LRBA: variants seen among roughly 807,000 people sequenced by gnomAD.
LRBA encodes the protein LPS responsive beige-like anchor protein.
LRBA carries 176 observed loss-of-function variants against 330.0 expected under a neutral mutation model. That is an observed-to-expected ratio of 0.53 (90% CI 0.47 to 0.60). LRBA has a LOEUF of 0.60. LRBA is among the 20% of genes least tolerant of loss of function. LRBA has a pLI of 0.00. For synonymous variants in LRBA, 1,230 were observed against 1,193.0 expected (o/e 1.03, Z -0.64); for missense variants, 3,259 against 3,444.8 (o/e 0.95, Z 1.35).
Position 150,350,040 on chromosome 4 carries a change from A to G in LRBA, c.7314T>C (p.Tyr2438=), listed in dbSNP as rs1736925788. Residue 2438 remains tyrosine (Y), a synonymous_variant, in exon 48 of 57, where the codon TAT becomes TAC. Coordinates refer to ENST00000651943, the MANE Select transcript of LRBA (RefSeq NM_001364905.1). ...RALNVFYYLT[Y]EGAVNLNSIT... Reference sequence around the variant, plus strand: ...TTGAATTCAGATTGACAGCTCCTTCATAGGTCAAGTAATAGAACACATTGA... The same window carrying G: ...TTGAATTCAGATTGACAGCTCCTTCGTAGGTCAAGTAATAGAACACATTGA... 2 of 1,613,870 alleles carry G rather than the reference A, an allele frequency of 1.2e-6. No homozygotes were observed. The highest frequency in any genetic ancestry group is 1.1e-5 in the South Asian group (1 of 91,080).
chr4:150,562,809 T>A (rs576891750), intron 40 of LRBA, among the ~76,000 whole-genome samples: 1 of 46,220 alleles, frequency 2.2e-5, no homozygotes, highest in East Asian at 5.8e-4. Context: ...TTTGAAATAA[T>A]TTTTTTTTTA....
chr4:150,506,155 G>A (rs1761045439), intron 40 of LRBA, among the ~76,000 whole-genome samples: 1 of 152,180 alleles, frequency 6.6e-6, no homozygotes, highest in Non-Finnish European at 1.5e-5. Context: ...GGTGCAAGGA[G>A]GAGCTGGTAT....
intron 44 of LRBA, among the ~76,000 whole-genome samples, chr4:150,466,351 T>G (rs917335884): frequency 6.6e-6 from 1 of 152,124 alleles, no homozygotes; most frequent in Non-Finnish European, 1.5e-5. Flanking sequence ...GAACTTGTAC[T>G]TCTCATGCTG....
At chr4:150,624,933 T>A (rs560342947) in intron 37 of LRBA, among the ~76,000 whole-genome samples, 53 of 152,328 alleles carry the variant, frequency 3.5e-4, no homozygotes, top group Non-Finnish European at 6.6e-4. Flanking sequence ...GATCCTGAAG[T>A]GATTTTCAGA....
chr4:150,912,269 A>G (rs576278393), intron 9 of LRBA, among the ~76,000 whole-genome samples: 27 of 152,164 alleles, frequency 1.8e-4, no homozygotes, highest in Non-Finnish European at 3.8e-4. Flanking sequence ...CTTCATCTGT[A>G]TTTACAGCCA....
At position 150,849,441 on chromosome 4, in the gene LRBA, G is replaced by A. The variant is rs1353022856; in HGVS notation, c.4139C>T (p.Ser1380Leu). The A allele has an allele frequency of 6.2e-7, 1 of 1,613,944 alleles. No individual in the cohort carries two copies. The highest frequency in any genetic ancestry group is 8.5e-7 in the Non-Finnish European group (1 of 1,179,900). Reference sequence around the variant, plus strand: ...CCTTACTGTAGCCGATGTAGCAGCTGAAAGCAATGGCAGTATACCCCCACA... The same window carrying A: ...CCTTACTGTAGCCGATGTAGCAGCTAAAAGCAATGGCAGTATACCCCCACA... The part of the protein sequence containing the change: ...MACGGILPLL[S>L]AATSATHELE... The change falls in exon 25 of 57, where the codon TCA (serine) becomes TTA (leucine). Residue 1380 changes from serine to leucine, a missense_variant. Coordinates refer to ENST00000651943, the MANE Select transcript of LRBA (RefSeq NM_001364905.1).
At chr4:150,369,093 T>G (rs980153084) in intron 47 of LRBA, among the ~76,000 whole-genome samples, 2 of 152,178 alleles carry the variant, frequency 1.3e-5, no homozygotes, top group Admixed American at 1.3e-4. Context: ...ATATTCCTAG[T>G]AGATAAATAG....
chr4:150,769,507 A>G (rs901004127), intron 34 of LRBA, among the ~76,000 whole-genome samples: 2 of 152,188 alleles, frequency 1.3e-5, no homozygotes, highest in African/African-American at 4.8e-5. Flanking sequence ...TTTGAATCCA[A>G]AAGTGAGAAA....
chr4:150,527,100 T>A (rs13113682), intron 40 of LRBA, among the ~76,000 whole-genome samples: 91,261 of 151,704 alleles, frequency 0.6, 30,915 homozygotes, highest in Non-Finnish European at 0.75. Flanking sequence ...CATGGTATCA[T>A]TTAATTTGTT....
At chr4:150,386,227 G>GA (rs1343252700) in intron 47 of LRBA, among the ~76,000 whole-genome samples, 142 of 148,504 alleles carry the variant, frequency 9.6e-4, no homozygotes, top group Middle Eastern at 3.4e-3. Context: ...TGTTTAAAAT[G>GA]AAAAAAAAAA....
intron 36 of LRBA, among the ~76,000 whole-genome samples, chr4:150,694,568 A>C (rs948610900): frequency 6.6e-6 from 1 of 152,096 alleles, no homozygotes; most frequent in Non-Finnish European, 1.5e-5. Context: ...AACCAATGAC[A>C]ATGTGTGACA....
At chr4:150,558,181 G>A (rs1222325119) in intron 40 of LRBA, among the ~76,000 whole-genome samples, 2 of 152,092 alleles carry the variant, frequency 1.3e-5, no homozygotes, top group Non-Finnish European at 2.9e-5. Flanking sequence ...TTACAGACAT[G>A]AGCCACAGCG....
At chr4:150,835,950 C>G (rs554278093) in intron 28 of LRBA, among the ~76,000 whole-genome samples, 2 of 152,096 alleles carry the variant, frequency 1.3e-5, no homozygotes, top group Non-Finnish European at 2.9e-5. Context: ...TCATAAATAG[C>G]TCTTATTATT....
chr4:150,381,352 TC>T (rs1742237611), intron 47 of LRBA, among the ~76,000 whole-genome samples: 1 of 152,298 alleles, frequency 6.6e-6, no homozygotes, highest in East Asian at 1.9e-4. Flanking sequence ...TGGCACTCAC[TC>T]CCATTTCCCT....
Position 150,310,285 on chromosome 4 carries a change from T to C in LRBA, c.7793A>G (p.Tyr2598Cys), listed in dbSNP as rs371465105. ...QCFVITSDNR[Y>C]ILVCGFWDKS... is the part of the protein sequence containing the mutation. ...ATCCCAGAAGCCACAGACGAGAATA[T>C]AGCGGTTGTCTGAAGTGATGACAAA... Residue 2598 changes from tyrosine (Y) to cysteine (C), a missense_variant, in exon 52 of 57, where the codon TAT becomes TGT. Transcript: ENST00000651943. The C allele has an allele frequency of 8.1e-6, 13 of 1,612,486 alleles. No homozygotes were observed. The African/African-American group carries it at 1.1e-4, about 13-fold the overall frequency.
At chr4:150,706,084 C>T (rs905209508) in intron 36 of LRBA, among the ~76,000 whole-genome samples, 7 of 151,614 alleles carry the variant, frequency 4.6e-5, no homozygotes, top group South Asian at 2.1e-4. Context: ...TTGAATCAGA[C>T]GAGCTGAATC....
At chr4:150,388,966 A>G (rs905341726) in intron 47 of LRBA, among the ~76,000 whole-genome samples, 1 of 152,228 alleles carries the variant, frequency 6.6e-6, no homozygotes, top group African/African-American at 2.4e-5. Context: ...AAATATTAGT[A>G]GACAAGTCTG....
intron 2 of LRBA, chr4:151,012,867 T>A (rs773994609): frequency 6.6e-6 from 1 of 150,390 alleles, no homozygotes; most frequent in Non-Finnish European, 1.5e-5. Context: ...CTGGAGTGCA[T>A]TGGCACGATC....
intron 28 of LRBA, chr4:150,841,165 AATG>A (rs1377187424): frequency 4.9e-6 from 1 of 203,600 alleles, no homozygotes; most frequent in Non-Finnish European, 1.0e-5. Flanking sequence ...AACTGCTGCT[AATG>A]ATATTAATAT....
Sources: allele counts gnomAD v4.1 joint callset (sites outside exome capture counted in the v4.1 genomes callset), GRCh38; gene constraint gnomAD v4.1.1; transcripts MANE v1.5; gene names NCBI Gene and HGNC (gene_info 2026-07-23, HGNC 2026-07-21).